ASH2L: variants seen among roughly 807,000 people sequenced by gnomAD.
The protein encoded by ASH2L is set1/Ash2 histone methyltransferase complex subunit ASH2.
Under a neutral mutation model 81.1 loss-of-function variants are expected in ASH2L, and 30 were observed. The ratio of observed to expected loss-of-function variants is 0.37; its 90% CI spans 0.28 to 0.50. ASH2L has a LOEUF of 0.50. ASH2L is among the 20% of genes least tolerant of loss of function. The pLI, the probability that ASH2L is intolerant of heterozygous loss-of-function variation, is 0.95. For missense variants in ASH2L, 559 were observed against 792.1 expected (o/e 0.71, Z 3.53); for synonymous variants, 273 against 279.9 (o/e 0.98, Z 0.24).
Position 38,106,407 on chromosome 8 carries a change from G to C in ASH2L, c.218G>C (p.Gly73Ala), listed in dbSNP as rs1275993002. The change falls in exon 2 of 16, where the codon GGC (glycine) becomes GCC (alanine). Residue 73 changes from glycine to alanine, a missense_variant. Physicochemically the swap from Gly to Ala is moderately conservative, Grantham distance 60. Around this residue, in one of 4 missense-constraint regions of ASH2L, gnomAD observed 145 missense variants for 115.5 expected, o/e 1.26. Coordinates refer to ENST00000343823, the MANE Select transcript of ASH2L (RefSeq NM_004674.5). ...GCAAACTTGGTCGATGTAAGCGGTG[G>C]CTTGGAGACAGAATCATCTAATGGA... ...GEANLVDVSG[G>A]LETESSNGKD... 1.2e-6 allele frequency: 2 copies of C among 1,614,120 alleles called. No homozygotes were observed. Among genetic ancestry groups the C allele is most frequent in the Non-Finnish European group, 1.7e-6 (2 of 1,180,014 alleles).
intron 10 of ASH2L, 74 bp downstream of exon 10, chr8:38,121,223 A>G: frequency 1.5e-6 from 2 of 1,367,868 alleles, no homozygotes; most frequent in East Asian, 4.6e-5. Context: ...TCAGTCTAGA[A>G]TTAGGTGTAC....
At chr8:38,119,415 C>T in intron 9 of ASH2L, 52 bp downstream of exon 9, 1 of 1,394,864 alleles carries the variant, frequency 7.2e-7, no homozygotes. Context: ...TTATTTGGTG[C>T]TGGGAAAGTC....
chr8:38,127,930 C>A (rs2130552437), intron 10 of ASH2L, among the ~76,000 whole-genome samples: 2 of 151,576 alleles, frequency 1.3e-5, no homozygotes, highest in Middle Eastern at 6.8e-3. Context: ...CCTGTAATCC[C>A]AGCTACTCGG....
rs778015955 is a variant in ASH2L, at chr8:38,120,954, C to T, written c.970C>T (p.Arg324Cys). 6.2e-7 allele frequency: 1 copy of T among 1,612,724 alleles called. No homozygotes were observed. The highest frequency in any genetic ancestry group is 8.5e-7 in the Non-Finnish European group (1 of 1,179,624). ...CAGTGACCCTTTGTTTTCTGCTCAG[C>T]GCCTTCCCCCTCATGGCTACCCATT... ...ARSDPLFSAQRLPPHGYPLEH... is the reference protein window; with the variant it reads ...ARSDPLFSAQCLPPHGYPLEH... The change falls in exon 10 of 16, where the codon CGC (arginine) becomes TGC (cysteine). Residue 324 changes from arginine to cysteine, a missense_variant. Physicochemically the swap from Arg to Cys is radical, Grantham distance 180 (BLOSUM62 -3). Coordinates refer to ENST00000343823, the MANE Select transcript of ASH2L (RefSeq NM_004674.5).
intron 5 of ASH2L, among the ~76,000 whole-genome samples, chr8:38,113,866 AAG>A (rs1406593879): frequency 1.3e-5 from 2 of 152,236 alleles, no homozygotes; most frequent in African/African-American, 4.8e-5. Context: ...ATAGGAGTTC[AAG>A]AGAGAATAAT....
chr8:38,125,426 G>T (rs1009089503), intron 10 of ASH2L, among the ~76,000 whole-genome samples: 3 of 151,934 alleles, frequency 2.0e-5, no homozygotes, highest in Non-Finnish European at 4.4e-5. Context: ...TTCAAGACCA[G>T]CCTGACCATC....
Position 38,115,130 on chromosome 8 carries a change from C to CA in ASH2L, c.777+137dup, listed in dbSNP as rs530743445. The CA allele has an allele frequency of 2.5e-3, 1,598 of 627,936 alleles. 4 individuals carry two copies. Among genetic ancestry groups the CA allele is most frequent in the Non-Finnish European group, 3.5e-3 (1,235 of 348,362 alleles). The allele number at this position is 627,936 out of a possible 1,614,324, so 38.9% of individuals were successfully genotyped here. A position where few individuals can be genotyped will look rare whatever the true frequency, so the allele number is the denominator to read the frequency against. On this transcript the variant is annotated intron_variant, in intron 7 of 15. Coordinates refer to ENST00000343823, the MANE Select transcript of ASH2L (RefSeq NM_004674.5). ...TATATGCACATAGCATGGTGGACTC[C>CA]AAAAAAATAGTGACTGATATGAGAG...
In ASH2L at chr8:38,135,766, G is replaced by A. The variant is rs763735586; in HGVS notation, c.1719G>A (p.Thr573=). The A allele has an allele frequency of 1.3e-6, 2 of 1,599,000 alleles. No individual in the cohort carries two copies. The highest frequency in any genetic ancestry group is 1.7e-6 in the Non-Finnish European group (2 of 1,173,664). The part of the protein sequence containing the change: ...FPAISLYKSC[T]VSINFGPCFK... ...CCATCTCACTGTACAAGAGCTGCAC[G>A]GTACGTACATGTTTCCATCCCATGA... is the stretch of plus-strand genomic sequence containing the variant. The change falls in exon 14 of 16, where the codon ACG becomes ACA. Residue 573 remains threonine, a splice_region_variant and synonymous_variant. Transcript: ENST00000343823.
At chr8:38,119,014 A>G (rs1811025208) in intron 8 of ASH2L, 1 of 358,752 alleles carries the variant, frequency 2.8e-6, no homozygotes. Flanking sequence ...TATTAGGAAC[A>G]AAGGTTGAAA....
chr8:38,128,538 G>A (rs1244332438), intron 11 of ASH2L, 80 bp downstream of exon 11: 2 of 1,541,618 alleles, frequency 1.3e-6, no homozygotes, highest in Non-Finnish European at 8.7e-7. Context: ...CTTCAAGGCT[G>A]TTGGGTTTAC....
intron 10 of ASH2L, chr8:38,122,469 T>A (rs1156837063): frequency 1.3e-5 from 2 of 152,046 alleles, no homozygotes; most frequent in Non-Finnish European, 2.9e-5. Context: ...TTGTGAAGCG[T>A]TCCTTATTTT....
At chr8:38,115,555 A>G (rs1810859440) in intron 7 of ASH2L, among the ~76,000 whole-genome samples, 1 of 152,174 alleles carries the variant, frequency 6.6e-6, no homozygotes. Flanking sequence ...TAATCCTAGC[A>G]CTTTTGGAGG....
intron 1 of ASH2L, 173 bp from the exon 2 acceptor site, chr8:38,106,205 G>A: frequency 6.9e-7 from 1 of 1,458,698 alleles, no homozygotes; most frequent in African/African-American, 1.4e-5. Context: ...TGTCTGACAT[G>A]TCCACCTTCT....
intron 9 of ASH2L, 76 bp downstream of exon 9, chr8:38,119,439 A>C (rs1811043635): frequency 8.1e-7 from 1 of 1,239,056 alleles, no homozygotes; most frequent in African/African-American, 1.6e-5. Context: ...CAGAGGGAAG[A>C]GAGTTCAAGG....
chr8:38,129,047 C>CA, intron 12 of ASH2L, 96 bp downstream of exon 12: 1 of 1,493,434 alleles, frequency 6.7e-7, no homozygotes, highest in Non-Finnish European at 8.9e-7. Flanking sequence ...AACTGAGCCA[C>CA]AGCTCACGTT....
intron 6 of ASH2L, among the ~76,000 whole-genome samples, chr8:38,114,510 AT>A (rs1810815208): frequency 6.6e-6 from 1 of 152,200 alleles, no homozygotes; most frequent in Admixed American, 6.5e-5. Flanking sequence ...ACCTGGTTTT[AT>A]GTATTGAAAC....
chr8:38,111,310 ACCT>A (rs1810670898), intron 5 of ASH2L, among the ~76,000 whole-genome samples: 1 of 151,232 alleles, frequency 6.6e-6, no homozygotes, highest in Non-Finnish European at 1.5e-5. Flanking sequence ...TGCAGCCTTG[ACCT>A]CCTGGGCTAA....
At chr8:38,128,581 G>T (rs1260576008) in intron 11 of ASH2L, 123 bp downstream of exon 11, 2 of 1,463,712 alleles carry the variant, frequency 1.4e-6, no homozygotes, top group African/African-American at 2.8e-5. Context: ...GTTCCTGAGG[G>T]TTGAGCTGGT....
intron 12 of ASH2L, among the ~76,000 whole-genome samples, chr8:38,133,009 C>A (rs922029292): frequency 2.6e-5 from 4 of 151,878 alleles, no homozygotes; most frequent in Non-Finnish European, 5.9e-5. Context: ...ATCGCTTGAA[C>A]CCGGGAGGCG....
Sources: gnomAD v4.1 joint callset for allele counts (sites outside exome capture counted in the v4.1 genomes callset) on GRCh38, gnomAD v4.1.1 for gene constraint, gnomAD v4.1.1 regional missense constraint, MANE v1.5 for transcripts, NCBI Gene and HGNC (gene_info 2026-07-23, HGNC 2026-07-21) for gene names.